HAPLN1: variants seen among roughly 807,000 people sequenced by gnomAD.
HAPLN1 encodes the protein Cartilage link protein.
A neutral mutation model predicts 36.5 loss-of-function variants in HAPLN1; 13 were observed. That is an observed-to-expected ratio of 0.36 (90% CI 0.23 to 0.57). HAPLN1 has a LOEUF of 0.57. Among genes scored for constraint, HAPLN1 ranks in the 20% least tolerant of loss-of-function variants. The probability of loss-of-function intolerance (pLI) is 0.83; values close to 1 mark genes in which losing one functional copy is unlikely to be tolerated. For synonymous variants in HAPLN1, 202 were observed against 169.8 expected (o/e 1.19, Z -1.48); for missense variants, 407 against 439.7 (o/e 0.93, Z 0.66).
intron 1 of HAPLN1, among the ~76,000 whole-genome samples, chr5:83,677,968 C>A (rs1056670801): frequency 6.6e-6 from 1 of 152,122 alleles, no homozygotes; most frequent in African/African-American, 2.4e-5. Context: ...TCTTGGGCCC[C>A]TGATACACTG....
intron 3 of HAPLN1, among the ~76,000 whole-genome samples, chr5:83,646,457 G>A (rs1170940699): frequency 6.6e-6 from 1 of 152,102 alleles, no homozygotes; most frequent in African/African-American, 2.4e-5. Flanking sequence ...AATTGTCCTA[G>A]AAGACTCTAC....
In HAPLN1 at chr5:83,710,731, A is replaced by G. The variant is rs1267655079; in HGVS notation, c.-27+10058T>C. The stretch of plus-strand genomic sequence containing the variant: ...TTTGGGAAGCAGAGGCGGGTGGATG[A>G]CCCAAGGTCAGGATTTCGAGACCAG... On this transcript the variant is annotated intron_variant, in intron 1 of 4. Coordinates refer to ENST00000274341, the MANE Select transcript of HAPLN1 (RefSeq NM_001884.4). 2.6e-5 allele frequency among the ~76,000 whole-genome samples: 4 copies of G among 152,140 alleles called. No individual in the cohort carries two copies. In the East Asian group the frequency reaches 5.8e-4, roughly 22 times the overall value.
chr5:83,711,511 C>G (rs1267423379), intron 1 of HAPLN1, among the ~76,000 whole-genome samples: 1 of 151,772 alleles, frequency 6.6e-6, no homozygotes, highest in Non-Finnish European at 1.5e-5. Flanking sequence ...GCATGATGGA[C>G]AAGAAAGAAA....
intron 1 of HAPLN1, chr5:83,674,607 A>G (rs1296055233): frequency 6.6e-6 from 1 of 152,276 alleles, no homozygotes; most frequent in Non-Finnish European, 1.5e-5. Flanking sequence ...ACGAAAATTA[A>G]CAAGGACCTT....
chr5:83,656,178 A>T (rs1311483293), intron 2 of HAPLN1, among the ~76,000 whole-genome samples: 2 of 151,954 alleles, frequency 1.3e-5, no homozygotes, highest in African/African-American at 4.8e-5. Flanking sequence ...AAGTACAAAA[A>T]TTAGACAGGC....
intron 2 of HAPLN1, among the ~76,000 whole-genome samples, chr5:83,661,658 A>G (rs1031532583): frequency 1.3e-5 from 2 of 151,652 alleles, no homozygotes; most frequent in African/African-American, 4.8e-5. Flanking sequence ...GTTAGCCGGG[A>G]TGGTCTCGAT....
In HAPLN1 at chr5:83,673,409, G is replaced by C. The variant is rs1400425579; in HGVS notation, c.100+15C>G. The C allele has an allele frequency of 6.6e-7, 1 of 1,518,718 alleles. No individual in the cohort carries two copies. Among genetic ancestry groups the C allele is most frequent in the Non-Finnish European group, 9.0e-7 (1 of 1,115,068 alleles). 94.1% of individuals were successfully genotyped at this position (1,518,718 alleles called of 1,614,324 possible). On this transcript the variant is annotated intron_variant, in intron 2 of 4. Coordinates refer to ENST00000274341, the MANE Select transcript of HAPLN1 (RefSeq NM_001884.4). ...AATTAATTAGGCTTTGATAAGAGAA[G>C]CTGTGTTTCCTTACCTTGGATGTGA... is the stretch of plus-strand genomic sequence containing the variant.
intron 4 of HAPLN1, among the ~76,000 whole-genome samples, chr5:83,643,263 A>T (rs1241550055): frequency 1.3e-5 from 2 of 150,864 alleles, no homozygotes; most frequent in Non-Finnish European, 2.9e-5. Context: ...AGGGAGAGTC[A>T]TTTGGGAACC....
chr5:83,706,406 C>T (rs557484808), intron 1 of HAPLN1, among the ~76,000 whole-genome samples: 5 of 152,102 alleles, frequency 3.3e-5, no homozygotes, highest in Non-Finnish European at 7.4e-5. Flanking sequence ...TTTATACCCA[C>T]GATTTAAGGC....
At chr5:83,654,439 A>G (rs991295067) in intron 2 of HAPLN1, among the ~76,000 whole-genome samples, 6 of 152,194 alleles carry the variant, frequency 3.9e-5, no homozygotes, top group Admixed American at 1.3e-4. Flanking sequence ...TCTACCCTAC[A>G]TATAAGTTTT....
At chr5:83,649,290 G>T (rs1039178879) in intron 3 of HAPLN1, among the ~76,000 whole-genome samples, 1 of 151,774 alleles carries the variant, frequency 6.6e-6, no homozygotes, top group African/African-American at 2.4e-5. Flanking sequence ...CTTAATGCAG[G>T]CAAGCTGGAA....
intron 4 of HAPLN1, 62 bp downstream of exon 4, chr5:83,644,301 T>C (rs1156501332): frequency 6.9e-6 from 8 of 1,166,236 alleles, no homozygotes; most frequent in Non-Finnish European, 7.9e-6. Flanking sequence ...AAGCCAAGTG[T>C]AGTGTTATAG....
chr5:83,694,997 AC>A (rs1005754291), intron 1 of HAPLN1, among the ~76,000 whole-genome samples: 1 of 152,184 alleles, frequency 6.6e-6, no homozygotes, highest in Non-Finnish European at 1.5e-5. Flanking sequence ...CCCTTCACAA[AC>A]ATAAACGTAA....
At position 83,641,640 on chromosome 5, in the gene HAPLN1, G is replaced by A. The variant is rs369918244; in HGVS notation, c.921C>T (p.Gly307=). ...AGCGGACGCTGCCATCCGCCAACCA[G>A]CCCGCATCACAGCGGTCATATCCGA... ...KILGYDRCDA[G]WLADGSVRYP... Residue 307 remains glycine, a synonymous_variant, in exon 5 of 5, where the codon GGC becomes GGT. Coordinates refer to ENST00000274341, the MANE Select transcript of HAPLN1 (RefSeq NM_001884.4). 11 of 1,614,190 alleles carry A rather than the reference G, an allele frequency of 6.8e-6. No homozygotes were observed. Among genetic ancestry groups the A allele is most frequent in the Non-Finnish European group, 8.5e-6 (10 of 1,180,038 alleles).
At chr5:83,657,001 T>C (rs1029183681) in intron 2 of HAPLN1, among the ~76,000 whole-genome samples, 2 of 152,084 alleles carry the variant, frequency 1.3e-5, no homozygotes, top group Non-Finnish European at 2.9e-5. Flanking sequence ...ATTAAAAGCA[T>C]AAAAATTTAT....
At chr5:83,687,266 G>C (rs546935579) in intron 1 of HAPLN1, among the ~76,000 whole-genome samples, 1 of 152,120 alleles carries the variant, frequency 6.6e-6, no homozygotes, top group Admixed American at 6.6e-5. Context: ...AACATCTGCC[G>C]TTCCTCTCAT....
chr5:83,695,524 T>C (rs568553374), intron 1 of HAPLN1, among the ~76,000 whole-genome samples: 3 of 150,494 alleles, frequency 2.0e-5, no homozygotes, highest in Non-Finnish European at 4.4e-5. Flanking sequence ...TATATATATA[T>C]ACATATTTAG....
At chr5:83,695,628 A>G (rs908637770) in intron 1 of HAPLN1, among the ~76,000 whole-genome samples, 1 of 80,504 alleles carries the variant, frequency 1.2e-5, no homozygotes, top group African/African-American at 3.4e-5. Context: ...ATATATCTAT[A>G]TAGATAAATA....
intron 1 of HAPLN1, among the ~76,000 whole-genome samples, chr5:83,680,440 G>A (rs1195604892): frequency 6.6e-6 from 1 of 151,990 alleles, no homozygotes; most frequent in African/African-American, 2.4e-5. Flanking sequence ...TAAAAGTCTG[G>A]AATACCTATA....
Sources: gnomAD v4.1 joint callset for allele counts (sites outside exome capture counted in the v4.1 genomes callset) on GRCh38, gnomAD v4.1.1 for gene constraint, MANE v1.5 for transcripts, NCBI Gene and HGNC (gene_info 2026-07-23, HGNC 2026-07-21) for gene names.